DNAAF1: variants seen among roughly 807,000 people sequenced by gnomAD.
DNAAF1 encodes the protein dynein assembly factor 1, axonemal.
DNAAF1 carries 65 observed loss-of-function variants against 71.1 expected under a neutral mutation model. The observed-to-expected ratio is 0.91, with a 90% confidence interval of 0.75 to 1.12. The LOEUF (loss-of-function observed/expected upper bound fraction) is 1.12, where lower values mean the gene tolerates loss of function less well. Among genes scored for constraint, DNAAF1 ranks in the 50% most tolerant of loss-of-function variants. The probability of loss-of-function intolerance (pLI) is 0.00; values close to 1 mark genes in which losing one functional copy is unlikely to be tolerated. For missense variants in DNAAF1, 1,178 were observed against 899.8 expected (o/e 1.31, Z -3.96); for synonymous variants, 414 against 354.6 (o/e 1.17, Z -1.88).
chr16:84,145,531 C>T lies in DNAAF1; in HGVS notation c.91C>T (p.His31Tyr), dbSNP rs1455876664. ...EPGVEESAGD[H>Y]GSAGRGGCKE... is the part of the protein sequence containing the mutation. ...CGGCGTGGAGGAGTCTGCGGGTGAC[C>T]ACGGGAGCGCAGGCCGAGGGGGCTG... Residue 31 changes from histidine to tyrosine, a missense_variant, in exon 1 of 12, where the codon CAC becomes TAC. Coordinates refer to ENST00000378553, the MANE Select transcript of DNAAF1 (RefSeq NM_178452.6). The T allele has an allele frequency of 3.2e-6, 5 of 1,553,114 alleles. No homozygotes were observed. The East Asian group carries it at 1.2e-4, about 37-fold the overall frequency.
intron 6 of DNAAF1, among the ~76,000 whole-genome samples, chr16:84,160,565 T>G (rs2087650935): frequency 6.6e-6 from 1 of 152,230 alleles, no homozygotes; most frequent in Admixed American, 6.5e-5. Flanking sequence ...TAAATGTAGC[T>G]TGTAATGTGT....
intron 9 of DNAAF1, chr16:84,173,565 G>A (rs1423526323): frequency 2.0e-6 from 2 of 983,342 alleles, no homozygotes; most frequent in African/African-American, 3.5e-5. Flanking sequence ...CAGGTGTGGA[G>A]GCTTACACCT....
chr16:84,165,516 T>C (rs1386360316), intron 6 of DNAAF1, among the ~76,000 whole-genome samples: 1 of 152,172 alleles, frequency 6.6e-6, no homozygotes, highest in Admixed American at 6.6e-5. Context: ...ATTTATGGTA[T>C]ACTTTGCATG....
intron 9 of DNAAF1, chr16:84,172,809 C>T: frequency 9.5e-7 from 1 of 1,056,092 alleles, no homozygotes; most frequent in Non-Finnish European, 1.1e-6. Flanking sequence ...GGACACCGCC[C>T]AGCAGGTAGC....
chr16:84,172,323 C>G lies in DNAAF1; in HGVS notation c.1592C>G (p.Thr531Arg), dbSNP rs193291760. 1.9e-6 allele frequency: 3 copies of G among 1,614,064 alleles called. No homozygotes were observed. The highest frequency in any genetic ancestry group is 1.7e-5 in the Admixed American group (1 of 60,006). Residue 531 changes from threonine (T) to arginine (R), a missense_variant, in exon 9 of 12, where the codon ACG (threonine) becomes AGG (arginine). Transcript: ENST00000378553. Reference protein sequence around the residue: ...VFVTELDGTRTEDLETIRLET... With the variant: ...VFVTELDGTRREDLETIRLET... ...GTTACAGAACTTGATGGAACGAGAA[C>G]GGAAGATTTAGAAACCATTAGACTG...
At position 84,148,596 on chromosome 16, in the gene DNAAF1, C is replaced by CTTTTT. The variant is rs765676142; in HGVS notation, c.125-397_125-393dup. 2.4e-3 allele frequency among the ~76,000 whole-genome samples: 105 copies of CTTTTT among 43,584 alleles called. 19 individuals carry two copies. The highest frequency in any genetic ancestry group is 0.015 in the Middle Eastern group (1 of 68). The allele number at this position is 43,584 out of a possible 152,430, so 28.6% of individuals were successfully genotyped here. On this transcript the variant is annotated intron_variant, in intron 1 of 11. Coordinates refer to ENST00000378553, the MANE Select transcript of DNAAF1 (RefSeq NM_178452.6). ...AAAGATTACTGTTCTCTCTCTCTCTCTTTTTTTTTTTTTTTTTTGGTGAGA... is the reference window on the plus strand; with the variant it reads ...AAAGATTACTGTTCTCTCTCTCTCTCTTTTTTTTTTTTTTTTTTTTTTTGGTGAGA...
Position 84,159,693 on chromosome 16 carries a change from G to A in DNAAF1, c.760G>A (p.Gly254Arg). The change falls in exon 6 of 12, where the codon GGA becomes AGA. Residue 254 changes from glycine (G) to arginine (R), a missense_variant. By Grantham distance (125) the Gly-to-Arg change is moderately radical. Coordinates refer to ENST00000378553, the MANE Select transcript of DNAAF1 (RefSeq NM_178452.6). ...MPDLRVLNLM[G>R]NPVIRQIPNY... ...CTTGCAGCGTGTACTGAATTTGATG[G>A]GAAACCCGGTTATCAGACAGATTCC... 6.2e-7 allele frequency: 1 copy of A among 1,613,242 alleles called. No individual in the cohort carries two copies. Among genetic ancestry groups the A allele is most frequent in the Non-Finnish European group, 8.5e-7 (1 of 1,179,506 alleles).
At chr16:84,164,157 TAG>T in intron 6 of DNAAF1, among the ~76,000 whole-genome samples, 2 of 152,256 alleles carry the variant, frequency 1.3e-5, no homozygotes, top group African/African-American at 4.8e-5. Context: ...GAGCAGAAAG[TAG>T]AGAGAGTTTC....
At position 84,169,713 on chromosome 16, in the gene DNAAF1, G is replaced by A. The variant is rs187529605; in HGVS notation, c.1031-146G>A. ...TGGGATTACAGGCACGAGCCACCGC[G>A]CCCAGCCCCTTGAGGACACTTTTTT... On this transcript the variant is annotated intron_variant, in intron 7 of 11. Coordinates refer to ENST00000378553, the MANE Select transcript of DNAAF1 (RefSeq NM_178452.6). The A allele has an allele frequency of 7.0e-4, 821 of 1,164,744 alleles. 8 individuals carry two copies. In the East Asian group the frequency reaches 0.018, roughly 26 times the overall value. 72.2% of individuals were successfully genotyped at this position (1,164,744 alleles called of 1,614,324 possible). A position where few individuals can be genotyped will look rare whatever the true frequency, so the allele number is the denominator to read the frequency against.
intron 8 of DNAAF1, 35 bp downstream of exon 8, chr16:84,170,391 C>T (rs572110246): frequency 7.4e-6 from 12 of 1,612,934 alleles, no homozygotes; most frequent in South Asian, 1.1e-5. Context: ...CAGACACACA[C>T]ACCTCTCAGG....
chr16:84,148,682 T>C (rs1486602554), intron 1 of DNAAF1, among the ~76,000 whole-genome samples: 2 of 146,568 alleles, frequency 1.4e-5, no homozygotes, highest in Non-Finnish European at 3.0e-5. Context: ...CACTGCAGCC[T>C]TGACTTCCCA....
Position 84,153,364 on chromosome 16 carries a change from C to T in DNAAF1, c.353-1213C>T, listed in dbSNP as rs185492013. On this transcript the variant is annotated intron_variant, in intron 3 of 11. Transcript: ENST00000378553. ...CACATTTACCTATGCCACAAACCAG[C>T]ACATCCAGCACAGGAACCCATCAAC... Among the ~76,000 whole-genome samples, 17 of 152,226 alleles carry T rather than the reference C, an allele frequency of 1.1e-4. No homozygotes were observed. In the East Asian group the frequency reaches 3.3e-3, roughly 29 times the overall value.
intron 2 of DNAAF1, among the ~76,000 whole-genome samples, chr16:84,149,583 T>C (rs894089402): frequency 1.3e-4 from 19 of 146,458 alleles, no homozygotes; most frequent in Admixed American, 6.9e-5. Flanking sequence ...CCCAGCTACT[T>C]GGGAGGCTGA....
At chr16:84,158,817 C>T (rs765055950) in intron 5 of DNAAF1, 2 of 155,004 alleles carry the variant, frequency 1.3e-5, no homozygotes, top group East Asian at 1.9e-4. Context: ...ACAGCCTCCC[C>T]CTCCTGGGTT....
intron 6 of DNAAF1, among the ~76,000 whole-genome samples, 165 bp from the exon 7 acceptor site, chr16:84,165,618 A>C (rs575068160): frequency 6.6e-6 from 1 of 152,256 alleles, no homozygotes; most frequent in South Asian, 2.1e-4. Context: ...GGCTTTGCAG[A>C]CTGTTCCACC....
chr16:84,176,306 G>C lies in DNAAF1; in HGVS notation c.2065+7G>C, dbSNP rs1017112523. Reference sequence around the variant, plus strand: ...CTTGCAGCCTCTTCTCCGGGTAAGAGCGTGGGGCCGAGAGCACAGTGGAGA... The same window carrying C: ...CTTGCAGCCTCTTCTCCGGGTAAGACCGTGGGGCCGAGAGCACAGTGGAGA... On this transcript the variant is annotated splice_region_variant and intron_variant, in intron 11 of 11. Transcript: ENST00000378553. 2 of 1,613,104 alleles carry C rather than the reference G, an allele frequency of 1.2e-6. No individual in the cohort carries two copies. The highest frequency in any genetic ancestry group is 1.3e-5 in the African/African-American group (1 of 75,050).
intron 1 of DNAAF1, 117 bp from the exon 2 acceptor site, chr16:84,148,890 A>T: frequency 1.7e-6 from 2 of 1,205,206 alleles, no homozygotes; most frequent in Middle Eastern, 2.6e-4. Flanking sequence ...ATACCCAGCC[A>T]CTAAAGAATA....
rs142345677 is a variant in DNAAF1, at chr16:84,175,984, G to A, written c.1750G>A (p.Asp584Asn). Reference protein sequence around the residue: ...EVISSLSDDSDPELDYTSLPV... With the variant: ...EVISSLSDDSNPELDYTSLPV... Reference sequence around the variant, plus strand: ...CATCTCGAGCTTGAGTGATGACAGTGACCCTGAACTGGACTACACGTCACT... The same window carrying A: ...CATCTCGAGCTTGAGTGATGACAGTAACCCTGAACTGGACTACACGTCACT... Residue 584 changes from aspartate (D) to asparagine (N), a missense_variant, in exon 11 of 12, where the codon GAC becomes AAC. Asp to Asn is a conservative substitution (Grantham distance 23, BLOSUM62 1). Coordinates refer to ENST00000378553, the MANE Select transcript of DNAAF1 (RefSeq NM_178452.6). 1.2e-3 allele frequency: 1,866 copies of A among 1,614,088 alleles called. 11 individuals carry two copies. The East Asian group carries it at 0.013, about 12-fold the overall frequency.
intron 3 of DNAAF1, among the ~76,000 whole-genome samples, chr16:84,151,942 C>G (rs1298942997): frequency 6.6e-6 from 1 of 152,190 alleles, no homozygotes; most frequent in Non-Finnish European, 1.5e-5. Flanking sequence ...CTTCATCACT[C>G]CATTGTATGC....
Sources: gnomAD v4.1 joint callset for allele counts (sites outside exome capture counted in the v4.1 genomes callset) on GRCh38, gnomAD v4.1.1 for gene constraint, MANE v1.5 for transcripts, NCBI Gene and HGNC (gene_info 2026-07-23, HGNC 2026-07-21) for gene names.